The following GRM5 variants were observed in gnomAD, a reference collection of about 807,000 sequenced individuals.
GRM5 encodes the protein glutamate metabotropic receptor 5, also known as metabotropic glutamate receptor 5.
In GRM5, 19 loss-of-function variants were observed where a neutral mutation model predicts 83.1. That is an observed-to-expected ratio of 0.23 (90% CI 0.16 to 0.34). The LOEUF (loss-of-function observed/expected upper bound fraction) is 0.34, where lower values mean the gene tolerates loss of function less well. Ranked by LOEUF, GRM5 falls within the 10% of genes least tolerant of loss-of-function variation. GRM5 has a pLI of 1.00. For synonymous variants in GRM5, 675 were observed against 633.6 expected (o/e 1.07, Z -0.98); for missense variants, 1,160 against 1,588.3 (o/e 0.73, Z 4.58).
chr11:88,921,176 T>C (rs1945686167), intron 2 of GRM5, among the ~76,000 whole-genome samples: 2 of 152,066 alleles, frequency 1.3e-5, no homozygotes, highest in African/African-American at 4.8e-5. Context: ...GTGGAATTTA[T>C]CCCAGGGATA....
At chr11:88,896,076 A>G (rs1443899269) in intron 2 of GRM5, among the ~76,000 whole-genome samples, 1 of 151,950 alleles carries the variant, frequency 6.6e-6, no homozygotes, top group East Asian at 1.9e-4. Flanking sequence ...AGAGAAGGTA[A>G]TATGTATTGA....
At chr11:88,917,783 C>A (rs1260229204) in intron 2 of GRM5, among the ~76,000 whole-genome samples, 1 of 151,802 alleles carries the variant, frequency 6.6e-6, no homozygotes, top group Non-Finnish European at 1.5e-5. Context: ...TGAAAACACA[C>A]AGACAGAGGA....
chr11:88,834,592 T>G (rs999062564), intron 3 of GRM5, among the ~76,000 whole-genome samples: 4 of 110,728 alleles, frequency 3.6e-5, no homozygotes, highest in African/African-American at 2.2e-4. Context: ...GAAGGCTTCC[T>G]TTAAAACAGC....
At chr11:88,938,653 T>C (rs1407216405) in intron 2 of GRM5, among the ~76,000 whole-genome samples, 3 of 151,542 alleles carry the variant, frequency 2.0e-5, no homozygotes, top group Non-Finnish European at 4.4e-5. Flanking sequence ...GTCATTCTCA[T>C]TCACTGGGTC....
At chr11:88,994,241 T>G (rs1348250980) in intron 2 of GRM5, among the ~76,000 whole-genome samples, 1 of 151,242 alleles carries the variant, frequency 6.6e-6, no homozygotes, top group African/African-American at 2.4e-5. Context: ...AAGACACAAA[T>G]AAATTAACAG....
At chr11:88,612,908 G>A (rs188133403) in intron 4 of GRM5, 1 of 152,312 alleles carries the variant, frequency 6.6e-6, no homozygotes, top group East Asian at 1.9e-4. Context: ...GCCAAAGCAA[G>A]CACTCAAAGA....
chr11:88,747,587 A>C (rs994600630), intron 3 of GRM5, among the ~76,000 whole-genome samples: 3 of 152,152 alleles, frequency 2.0e-5, no homozygotes, highest in African/African-American at 7.2e-5. Context: ...GGTGTCAAGT[A>C]GTTCTTCCTT....
intron 9 of GRM5, among the ~76,000 whole-genome samples, chr11:88,512,776 G>A (rs1941413612): frequency 6.6e-6 from 1 of 152,242 alleles, no homozygotes; most frequent in African/African-American, 2.4e-5. Context: ...AAGAGAAGGT[G>A]TCTAAGGATG....
intron 1 of GRM5, among the ~76,000 whole-genome samples, chr11:89,054,621 G>C (rs557104326): frequency 1.3e-5 from 2 of 152,244 alleles, no homozygotes; most frequent in East Asian, 3.9e-4. Flanking sequence ...TAGTGCCAGA[G>C]GTTGTGCCCC....
At chr11:88,706,503 C>T (rs1436327753) in intron 3 of GRM5, among the ~76,000 whole-genome samples, 1 of 152,024 alleles carries the variant, frequency 6.6e-6, no homozygotes, top group East Asian at 1.9e-4. Context: ...AGTGAAGTCC[C>T]CAATATGAAA....
intron 3 of GRM5, among the ~76,000 whole-genome samples, chr11:88,745,675 A>C (rs1942122314): frequency 6.6e-6 from 1 of 152,178 alleles, no homozygotes; most frequent in Admixed American, 6.6e-5. Context: ...TGGAAAACTT[A>C]AGTGTCTCTC....
In GRM5 at chr11:88,985,832, G is replaced by A. The variant is rs375133408; in HGVS notation, c.661+61380C>T. 1.4e-4 allele frequency among the ~76,000 whole-genome samples: 22 copies of A among 152,200 alleles called. No homozygotes were observed. The East Asian group carries it at 2.7e-3, about 19-fold the overall frequency. On this transcript the variant is annotated intron_variant, in intron 2 of 9. Transcript: ENST00000305447. ...AACAAAATAATACAAGTGAAAATCA[G>A]GGTAAGTTATCAAAACATAACTGCT...
chr11:88,915,794 C>A (rs1945579978), intron 2 of GRM5, among the ~76,000 whole-genome samples: 1 of 152,086 alleles, frequency 6.6e-6, no homozygotes. Flanking sequence ...TTCATATCTG[C>A]CAGTCAGGAA....
At chr11:88,517,095 T>C (rs1157786470) in intron 9 of GRM5, among the ~76,000 whole-genome samples, 1 of 151,056 alleles carries the variant, frequency 6.6e-6, no homozygotes, top group African/African-American at 2.4e-5. Flanking sequence ...TAATGTTTAC[T>C]TTTTTCTTAC....
intron 3 of GRM5, among the ~76,000 whole-genome samples, chr11:88,685,462 C>G (rs1940596298): frequency 6.6e-6 from 1 of 152,132 alleles, no homozygotes; most frequent in African/African-American, 2.4e-5. Flanking sequence ...AAAGAAAAAC[C>G]CATTTTCTAA....
intron 3 of GRM5, among the ~76,000 whole-genome samples, chr11:88,654,134 A>C (rs1939708226): frequency 6.6e-6 from 1 of 152,132 alleles, no homozygotes; most frequent in Admixed American, 6.6e-5. Context: ...CATACTCCTC[A>C]ACATAACTAT....
intron 2 of GRM5, among the ~76,000 whole-genome samples, chr11:88,900,595 G>T (rs760059021): frequency 6.6e-6 from 1 of 151,990 alleles, no homozygotes; most frequent in Non-Finnish European, 1.5e-5. Flanking sequence ...TTAAAACATG[G>T]TATAATGGCC....
rs1183223330 is a variant in GRM5 at position 88,816,219 on chromosome 11, CAAAAAAAAA to C, written c.911+33678_911+33686del. Among the ~76,000 whole-genome samples, 10 of 44,970 alleles carry C rather than the reference CAAAAAAAAA, an allele frequency of 2.2e-4. No individual in the cohort carries two copies. The East Asian group carries it at 2.8e-3, about 13-fold the overall frequency. The allele number at this position is 44,970 out of a possible 152,430, so 29.5% of individuals were successfully genotyped here. ...TGGGCGACAGAGCGAGACTCCGTCT[CAAAAAAAAA>C]AAAAAAAAAAAAAAAAAGAAATTGG... On this transcript the variant is annotated intron_variant, in intron 3 of 9. Transcript: ENST00000305447.
chr11:88,955,324 A>G (rs1337034441), intron 2 of GRM5, among the ~76,000 whole-genome samples: 2 of 152,232 alleles, frequency 1.3e-5, no homozygotes, highest in African/African-American at 2.4e-5. Context: ...GTGTATAAAC[A>G]ATGACACTAA....
Sources: gnomAD v4.1 joint callset for allele counts (sites outside exome capture counted in the v4.1 genomes callset) on GRCh38, gnomAD v4.1.1 for gene constraint, MANE v1.5 for transcripts, NCBI Gene and HGNC (gene_info 2026-07-23, HGNC 2026-07-21) for gene names.